The following DR1 variants were observed in gnomAD, a reference collection of about 807,000 sequenced individuals.
DR1 encodes down-regulator of transcription 1, also known as protein Dr1.
Under a neutral mutation model 19.9 loss-of-function variants are expected in DR1, and 7 were observed. That is an observed-to-expected ratio of 0.35 (90% CI 0.20 to 0.66). DR1 has a LOEUF of 0.66. Ranked by LOEUF, DR1 falls within the 30% of genes least tolerant of loss-of-function variation. DR1 has a pLI of 0.66. For missense variants in DR1, 98 were observed against 203.7 expected (o/e 0.48, Z 3.16); for synonymous variants, 76 against 72.5 (o/e 1.05, Z -0.24).
At chr1:93,357,818 C>T (rs1351499884) in intron 2 of DR1, among the ~76,000 whole-genome samples, 2 of 152,124 alleles carry the variant, frequency 1.3e-5, no homozygotes, top group African/African-American at 4.8e-5. Context: ...TACTCCTGCC[C>T]TTCAGTCAAC....
At chr1:93,356,507 T>C (rs1168371407) in intron 2 of DR1, among the ~76,000 whole-genome samples, 3 of 152,184 alleles carry the variant, frequency 2.0e-5, no homozygotes, top group Non-Finnish European at 2.9e-5. Flanking sequence ...AAATTTGAAA[T>C]GTAACTAGTA....
intron 1 of DR1, among the ~76,000 whole-genome samples, chr1:93,351,008 G>A (rs978336599): frequency 6.6e-6 from 1 of 152,154 alleles, no homozygotes; most frequent in Non-Finnish European, 1.5e-5. Flanking sequence ...CTAGTATGTT[G>A]TGTACTGAAC....
At chr1:93,357,932 C>T (rs1176930866) in intron 2 of DR1, among the ~76,000 whole-genome samples, 1 of 152,094 alleles carries the variant, frequency 6.6e-6, no homozygotes, top group Non-Finnish European at 1.5e-5. Context: ...ATGAGACTGA[C>T]TACTTGGATG....
intron 1 of DR1, among the ~76,000 whole-genome samples, chr1:93,352,802 C>G (rs554708373): frequency 2.3e-4 from 35 of 152,022 alleles, no homozygotes; most frequent in African/African-American, 8.4e-4. Context: ...TATACCAAAA[C>G]TATAAAATAT....
At chr1:93,353,761 G>T in intron 1 of DR1, 147 bp from the exon 2 acceptor site, 1 of 553,162 alleles carries the variant, frequency 1.8e-6, no homozygotes, top group South Asian at 4.3e-5. Flanking sequence ...GACAGTTGTT[G>T]TACAACTATA....
intron 2 of DR1, among the ~76,000 whole-genome samples, chr1:93,356,300 A>G (rs1666982340): frequency 6.6e-6 from 1 of 151,404 alleles, no homozygotes; most frequent in African/African-American, 2.4e-5. Context: ...GGCTATTGAC[A>G]GGCTCGATCA....
Position 93,367,007 on chromosome 1 carries a change from AAAT to A in DR1, c.*6370_*6372del, listed in dbSNP as rs1004144332. The stretch of plus-strand genomic sequence containing the variant: ...ACAGAGCAAAATCCTATCTCAAAAA[AAAT>A]ATATATATTATCCAGCCCCAAATGT... On this transcript the variant is annotated 3_prime_UTR_variant, in exon 3 of 3. Coordinates refer to ENST00000370272, the MANE Select transcript of DR1 (RefSeq NM_001938.3). 1.8e-4 allele frequency: 27 copies of A among 149,592 alleles called. No individual in the cohort carries two copies. Among genetic ancestry groups the A allele is most frequent in the African/African-American group, 6.5e-4 (27 of 41,238 alleles). The allele number at this position is 149,592 out of a possible 1,614,324, so 9.3% of individuals were successfully genotyped here.
In DR1 at chr1:93,363,734, AG is replaced by A. The variant is rs749069408; in HGVS notation, c.*3098del. 1.3e-5 allele frequency: 2 copies of A among 152,238 alleles called. No homozygotes were observed. The highest frequency in any genetic ancestry group is 2.9e-5 in the Non-Finnish European group (2 of 68,044). The allele number at this position is 152,238 out of a possible 1,614,324, so 9.4% of individuals were successfully genotyped here. ...CATATAAGTGACATTCACAGGTTCC[AG>A]GGATTCATACGCTGGCTATCTTTGG... On this transcript the variant is annotated 3_prime_UTR_variant, in exon 3 of 3. Coordinates refer to ENST00000370272, the MANE Select transcript of DR1 (RefSeq NM_001938.3).
rs1248882509 is a variant in DR1, at chr1:93,362,755, T to G, written c.*2116T>G. ...AAAAAATGTGGTTTTACTTGTATTT[T>G]TATAATTTACAGTCCTAAGATCGAG... On this transcript the variant is annotated 3_prime_UTR_variant, in exon 3 of 3. Coordinates refer to ENST00000370272, the MANE Select transcript of DR1 (RefSeq NM_001938.3). 1 of 151,452 alleles carries G rather than the reference T, an allele frequency of 6.6e-6. No individual in the cohort carries two copies. The highest frequency in any genetic ancestry group is 1.5e-5 in the Non-Finnish European group (1 of 67,790). The allele number at this position is 151,452 out of a possible 1,614,324, so 9.4% of individuals were successfully genotyped here. A position where few individuals can be genotyped will look rare whatever the true frequency, so the allele number is the denominator to read the frequency against.
rs1416991399 is a variant in DR1, at chr1:93,366,273, C to T, written c.*5634C>T. 1 of 151,998 alleles carries T rather than the reference C, an allele frequency of 6.6e-6. No homozygotes were observed. The highest frequency in any genetic ancestry group is 1.5e-5 in the Non-Finnish European group (1 of 67,996). The allele number at this position is 151,998 out of a possible 1,614,324, so 9.4% of individuals were successfully genotyped here. ...CAAATATGCCGTAGTATGTAAATACCGTATTTTGTTTATCAGTTCATCCAT... is the reference window on the plus strand; with the variant it reads ...CAAATATGCCGTAGTATGTAAATACTGTATTTTGTTTATCAGTTCATCCAT... On this transcript the variant is annotated 3_prime_UTR_variant, in exon 3 of 3. Transcript: ENST00000370272.
In DR1 at chr1:93,362,274, G is replaced by C. The variant is rs934118593; in HGVS notation, c.*1635G>C. 1.3e-5 allele frequency: 2 copies of C among 152,414 alleles called. No homozygotes were observed. The highest frequency in any genetic ancestry group is 4.8e-5 in the African/African-American group (2 of 41,430). 9.4% of individuals were successfully genotyped at this position (152,414 alleles called of 1,614,324 possible). Reference sequence around the variant, plus strand: ...ATACCCATGAAGTGCATTTGGATGAGATAGAAGAAATTGTTTTTTAAAAAG... The same window carrying C: ...ATACCCATGAAGTGCATTTGGATGACATAGAAGAAATTGTTTTTTAAAAAG... On this transcript the variant is annotated 3_prime_UTR_variant, in exon 3 of 3. Transcript: ENST00000370272.
rs1433803505 is a variant in DR1 at position 93,368,114 on chromosome 1, T to C, written c.*7475T>C. Reference sequence around the variant, plus strand: ...TGTAATAGTTTTTTTACATATGTTATTTCATTTGTTTATTTCCTCTGTGAG... The same window carrying C: ...TGTAATAGTTTTTTTACATATGTTACTTCATTTGTTTATTTCCTCTGTGAG... On this transcript the variant is annotated 3_prime_UTR_variant, in exon 3 of 3. Coordinates refer to ENST00000370272, the MANE Select transcript of DR1 (RefSeq NM_001938.3). 1.3e-5 allele frequency: 2 copies of C among 152,230 alleles called. No individual in the cohort carries two copies. The highest frequency in any genetic ancestry group is 2.9e-5 in the Non-Finnish European group (2 of 68,046). The allele number at this position is 152,230 out of a possible 1,614,324, so 9.4% of individuals were successfully genotyped here.
rs1460563193 is a variant in DR1 at position 93,368,811 on chromosome 1, C to G, written c.*8172C>G. 6.6e-6 allele frequency: 1 copy of G among 152,058 alleles called. No homozygotes were observed. The highest frequency in any genetic ancestry group is 1.5e-5 in the Non-Finnish European group (1 of 68,006). The allele number at this position is 152,058 out of a possible 1,614,324, so 9.4% of individuals were successfully genotyped here. A position where few individuals can be genotyped will look rare whatever the true frequency, so the allele number is the denominator to read the frequency against. ...TTGCCTTACACATATACTAGTAGCC[C>G]TTACAAAATTTCGTCTGTCTTTATT... is the stretch of plus-strand genomic sequence containing the variant. On this transcript the variant is annotated 3_prime_UTR_variant, in exon 3 of 3. Coordinates refer to ENST00000370272, the MANE Select transcript of DR1 (RefSeq NM_001938.3).
At position 93,368,953 on chromosome 1, in the gene DR1, C is replaced by T. The variant is rs781074822; in HGVS notation, c.*8314C>T. On this transcript the variant is annotated 3_prime_UTR_variant, in exon 3 of 3. Coordinates refer to ENST00000370272, the MANE Select transcript of DR1 (RefSeq NM_001938.3). Reference sequence around the variant, plus strand: ...CAACCATGGACTGATGGATTGAAAACATTTGGGGAAAAAACAAAAAATAAC... The same window carrying T: ...CAACCATGGACTGATGGATTGAAAATATTTGGGGAAAAAACAAAAAATAAC... 3.3e-5 allele frequency: 5 copies of T among 151,964 alleles called. No individual in the cohort carries two copies. The highest frequency in any genetic ancestry group is 5.9e-5 in the Non-Finnish European group (4 of 67,960). The allele number at this position is 151,964 out of a possible 1,614,324, so 9.4% of individuals were successfully genotyped here. A position where few individuals can be genotyped will look rare whatever the true frequency, so the allele number is the denominator to read the frequency against.
intron 2 of DR1, among the ~76,000 whole-genome samples, chr1:93,356,026 A>T (rs1666976287): frequency 6.6e-6 from 1 of 152,166 alleles, no homozygotes; most frequent in Non-Finnish European, 1.5e-5. Flanking sequence ...GGGAGTGAGA[A>T]TCTTAAAACA....
rs1460538875 is a variant in DR1, at chr1:93,361,473, C to A, written c.*834C>A. 2.6e-5 allele frequency: 4 copies of A among 152,478 alleles called. No homozygotes were observed. Among genetic ancestry groups the A allele is most frequent in the African/African-American group, 9.7e-5 (4 of 41,422 alleles). The allele number at this position is 152,478 out of a possible 1,614,324, so 9.4% of individuals were successfully genotyped here. ...AAATATATAGGTGGTACTTTTGAAA[C>A]AATTACATTGGTTCTCTTGGTTTAA... On this transcript the variant is annotated 3_prime_UTR_variant, in exon 3 of 3. Coordinates refer to ENST00000370272, the MANE Select transcript of DR1 (RefSeq NM_001938.3).
In DR1 at chr1:93,364,122, A is replaced by C. The variant is rs1162377420; in HGVS notation, c.*3483A>C. ...GCACCATTTTAATGTGTAGCATAAAAATGAATTACGCTAATGATCTTAGTG... is the reference window on the plus strand; with the variant it reads ...GCACCATTTTAATGTGTAGCATAAACATGAATTACGCTAATGATCTTAGTG... On this transcript the variant is annotated 3_prime_UTR_variant, in exon 3 of 3. Coordinates refer to ENST00000370272, the MANE Select transcript of DR1 (RefSeq NM_001938.3). The C allele has an allele frequency of 3.9e-5, 6 of 152,190 alleles. No homozygotes were observed. Among genetic ancestry groups the C allele is most frequent in the Non-Finnish European group, 8.8e-5 (6 of 68,020 alleles). 9.4% of individuals were successfully genotyped at this position (152,190 alleles called of 1,614,324 possible).
Position 93,365,820 on chromosome 1 carries a change from G to T in DR1, c.*5181G>T, listed in dbSNP as rs1436737851. 1 of 152,200 alleles carries T rather than the reference G, an allele frequency of 6.6e-6. No individual in the cohort carries two copies. The highest frequency in any genetic ancestry group is 1.5e-5 in the Non-Finnish European group (1 of 68,042). 9.4% of individuals were successfully genotyped at this position (152,200 alleles called of 1,614,324 possible). A position where few individuals can be genotyped will look rare whatever the true frequency, so the allele number is the denominator to read the frequency against. On this transcript the variant is annotated 3_prime_UTR_variant, in exon 3 of 3. Coordinates refer to ENST00000370272, the MANE Select transcript of DR1 (RefSeq NM_001938.3). The stretch of plus-strand genomic sequence containing the variant: ...GCAGCCATTATAAATCTCTGTACCT[G>T]CTTGCTGCTTTTCTACCTCATTGTT...
rs1276132125 is a variant in DR1, at chr1:93,365,738, C to G, written c.*5099C>G. On this transcript the variant is annotated 3_prime_UTR_variant, in exon 3 of 3. Coordinates refer to ENST00000370272, the MANE Select transcript of DR1 (RefSeq NM_001938.3). ...AAATATGTTTCCAAGAAAGTCAAAT[C>G]TTACAGGAGACTCTTGACTTCACAT... 1 of 152,158 alleles carries G rather than the reference C, an allele frequency of 6.6e-6. No homozygotes were observed. Among genetic ancestry groups the G allele is most frequent in the Non-Finnish European group, 1.5e-5 (1 of 68,046 alleles). 9.4% of individuals were successfully genotyped at this position (152,158 alleles called of 1,614,324 possible). A position where few individuals can be genotyped will look rare whatever the true frequency, so the allele number is the denominator to read the frequency against.
Sources: allele counts gnomAD v4.1 joint callset (sites outside exome capture counted in the v4.1 genomes callset), GRCh38; gene constraint gnomAD v4.1.1; transcripts MANE v1.5; gene names NCBI Gene and HGNC (gene_info 2026-07-23, HGNC 2026-07-21).